Variants in ZNF530 observed in about 807,000 individuals in gnomAD.
ZNF530 encodes zinc finger protein 530.
ZNF530 carries 5 observed loss-of-function variants against 2.8 expected under a neutral mutation model. That is an observed-to-expected ratio of 1.80 (90% CI 0.94 to 3.78). The LOEUF is 3.78. ZNF530 is among the 30% of genes most tolerant of loss of function. ZNF530 has a pLI of 0.00. For missense variants in ZNF530, 619 were observed against 673.3 expected, an observed-to-expected ratio of 0.92 and a Z score of 0.89; for synonymous variants, 229 against 235.0, an observed-to-expected ratio of 0.97 and a Z score of 0.23.
At position 57,605,780 on chromosome 19, in the gene ZNF530, A is replaced by G. The variant is rs938603191; in HGVS notation, c.156A>G (p.Thr52=). 12 of 1,614,226 alleles carry G rather than the reference A, an allele frequency of 7.4e-6. No individual in the cohort carries two copies. Among genetic ancestry groups the G allele is most frequent in the African/African-American group, 1.3e-5 (1 of 75,058 alleles). The change falls in exon 4 of 4, where the codon ACA becomes ACG. Residue 52 remains threonine (T), a synonymous_variant. Transcript: ENST00000597700. ...LSQGRTPKAD[T]STDKSHPCEI... is the part of the protein sequence containing the mutation. ...AGGGCAGGACTCCAAAGGCAGATAC[A>G]TCCACTGATAAGAGTCACCCCTGTG...
chr19:57,611,592 C>T (rs1179637640), downstream of ZNF530, among the ~76,000 whole-genome samples: 1 of 152,140 alleles, frequency 6.6e-6, no homozygotes, highest in Non-Finnish European at 1.5e-5. Context: ...TGCCATCTTG[C>T]CCCATTTTGT....
At chr19:57,602,923 C>T (rs1189039226) in intron 2 of ZNF530, among the ~76,000 whole-genome samples, 7 of 152,158 alleles carry the variant, frequency 4.6e-5, no homozygotes, top group African/African-American at 1.7e-4. Context: ...TGGAGTCTTG[C>T]TCTGTTCCCC....
rs770573673 is a variant in ZNF530, at chr19:57,606,774, G to A, written c.1150G>A (p.Gly384Ser). ...YVCSECGKSF[G>S]QKSVLIQHQR... The stretch of plus-strand genomic sequence containing the variant: ...GTGCAGTGAATGTGGGAAATCATTT[G>A]GCCAGAAATCTGTCCTCATTCAACA... Residue 384 changes from glycine to serine, a missense_variant, in exon 4 of 4, where the codon GGC (glycine) becomes AGC (serine). Transcript: ENST00000597700. The A allele has an allele frequency of 1.9e-6, 3 of 1,604,368 alleles. No individual in the cohort carries two copies. Among genetic ancestry groups the A allele is most frequent in the Non-Finnish European group, 2.5e-6 (3 of 1,176,676 alleles).
In ZNF530 at chr19:57,607,117, G is replaced by C. The variant is rs1317556703; in HGVS notation, c.1493G>C (p.Ser498Thr). ...GAATGTGGGAAATCCTATAGCCAAAGCTCTGCCCTCCTTCAGCATAGGAGA... is the reference window on the plus strand; with the variant it reads ...GAATGTGGGAAATCCTATAGCCAAACCTCTGCCCTCCTTCAGCATAGGAGA... The part of the protein sequence containing the change: ...CDECGKSYSQ[S>T]SALLQHRRVH... The change falls in exon 4 of 4, where the codon AGC becomes ACC. Residue 498 changes from serine to threonine, a missense_variant. Transcript: ENST00000597700. The C allele has an allele frequency of 1.4e-5, 23 of 1,611,812 alleles. No individual in the cohort carries two copies. The Admixed American group carries it at 3.8e-4, about 27-fold the overall frequency.
At chr19:57,603,625 A>G (rs1268940395) in intron 2 of ZNF530, among the ~76,000 whole-genome samples, 2 of 152,206 alleles carry the variant, frequency 1.3e-5, no homozygotes, top group South Asian at 2.1e-4. Context: ...GTGCAGTACA[A>G]GTTGGAAAGG....
Position 57,609,841 on chromosome 19 carries a change from G to A in ZNF530, c.*2516G>A, listed in dbSNP as rs9676332. ...AAAAGGATGAAGTCAAGAGAGATTC[G>A]GTTGTCCTTGGTGCGGCTTTTGTGA... On this transcript the variant is annotated 3_prime_UTR_variant, in exon 4 of 4. Coordinates refer to ENST00000597700, the MANE Select transcript of ZNF530 (RefSeq NM_001321981.2). Among the ~76,000 whole-genome samples, 9,399 of 151,982 alleles carry A rather than the reference G, an allele frequency of 0.062. 943 individuals are homozygous for A. The highest frequency in any genetic ancestry group is 0.21 in the African/African-American group (8,814 of 41,434).
rs896302437 is a variant in ZNF530 at position 57,608,527 on chromosome 19, G to A, written c.*1202G>A. 2.6e-5 allele frequency: 4 copies of A among 152,130 alleles called. No individual in the cohort carries two copies. Among genetic ancestry groups the A allele is most frequent in the African/African-American group, 2.4e-5 (1 of 41,422 alleles). 9.4% of individuals were successfully genotyped at this position (152,130 alleles called of 1,614,324 possible). A position where few individuals can be genotyped will look rare whatever the true frequency, so the allele number is the denominator to read the frequency against. ...GCTCAGAGGTCATTCTGCAGAGGGG[G>A]CAGTTGTGGCAACTTCCATTGTTTC... is the stretch of plus-strand genomic sequence containing the variant. On this transcript the variant is annotated 3_prime_UTR_variant, in exon 4 of 4. Coordinates refer to ENST00000597700, the MANE Select transcript of ZNF530 (RefSeq NM_001321981.2).
chr19:57,606,611 T>C lies in ZNF530; in HGVS notation c.987T>C (p.His329=). The C allele has an allele frequency of 6.2e-7, 1 of 1,611,348 alleles. No homozygotes were observed. Among genetic ancestry groups the C allele is most frequent in the South Asian group, 1.1e-5 (1 of 90,934 alleles). ...ECSECGKSFS[H]STNLFRHWRV... is the part of the protein sequence containing the mutation. The stretch of plus-strand genomic sequence containing the variant: ...GTGAATGTGGAAAATCCTTTAGCCA[T>C]AGCACTAACCTCTTTCGACACTGGA... The change falls in exon 4 of 4, where the codon CAT becomes CAC. Residue 329 remains histidine, a synonymous_variant. Coordinates refer to ENST00000597700, the MANE Select transcript of ZNF530 (RefSeq NM_001321981.2).
chr19:57,611,244 G>GTT (rs374750986), downstream of ZNF530, among the ~76,000 whole-genome samples: 2 of 152,036 alleles, frequency 1.3e-5, no homozygotes, highest in African/African-American at 4.8e-5. Flanking sequence ...ACCAAGGCAA[G>GTT]TTTTTTTTAG....
intron 2 of ZNF530, 95 bp downstream of exon 2, chr19:57,600,874 C>G (rs966225269): frequency 3.9e-5 from 6 of 152,222 alleles, no homozygotes; most frequent in Non-Finnish European, 8.8e-5. Flanking sequence ...TACCGCTTTT[C>G]CAGGCCTTGA....
intron 2 of ZNF530, among the ~76,000 whole-genome samples, chr19:57,603,364 A>G (rs1427729744): frequency 1.3e-5 from 2 of 152,236 alleles, no homozygotes; most frequent in Non-Finnish European, 2.9e-5. Context: ...TATTAGAGAC[A>G]TAATGGGATT....
downstream of ZNF530, among the ~76,000 whole-genome samples, chr19:57,611,040 C>T (rs1385430310): frequency 6.6e-6 from 1 of 152,178 alleles, no homozygotes; most frequent in East Asian, 1.9e-4. Context: ...TAGTAAACAA[C>T]TACCTTGAGA....
At position 57,607,343 on chromosome 19, in the gene ZNF530, G is replaced by A. The variant is rs780046823; in HGVS notation, c.*18G>A. On this transcript the variant is annotated 3_prime_UTR_variant, in exon 4 of 4. Coordinates refer to ENST00000597700, the MANE Select transcript of ZNF530 (RefSeq NM_001321981.2). ...TGCAGTGAATGTGGGAAATTATTTT[G>A]TCACTTTTTTTTTTTTTTTTGAGAT... 1 of 1,485,718 alleles carries A rather than the reference G, an allele frequency of 6.7e-7. No individual in the cohort carries two copies. Among genetic ancestry groups the A allele is most frequent in the South Asian group, 1.3e-5 (1 of 76,300 alleles). The allele number at this position is 1,485,718 out of a possible 1,614,324, so 92.0% of individuals were successfully genotyped here. A position where few individuals can be genotyped will look rare whatever the true frequency, so the allele number is the denominator to read the frequency against.
Position 57,608,433 on chromosome 19 carries a change from C to T in ZNF530, c.*1108C>T, listed in dbSNP as rs74977972. 15 of 152,274 alleles carry T rather than the reference C, an allele frequency of 9.9e-5. No individual in the cohort carries two copies. The highest frequency in any genetic ancestry group is 3.9e-4 in the East Asian group (2 of 5,184). 9.4% of individuals were successfully genotyped at this position (152,274 alleles called of 1,614,324 possible). Reference sequence around the variant, plus strand: ...ATTTTGCTCCATTTTTGGCCTATTTCGCATTGTTTCCAAGGCCTTCTAGGA... The same window carrying T: ...ATTTTGCTCCATTTTTGGCCTATTTTGCATTGTTTCCAAGGCCTTCTAGGA... On this transcript the variant is annotated 3_prime_UTR_variant, in exon 4 of 4. Coordinates refer to ENST00000597700, the MANE Select transcript of ZNF530 (RefSeq NM_001321981.2).
At chr19:57,603,955 A>T (rs887362264) in intron 2 of ZNF530, among the ~76,000 whole-genome samples, 12 of 152,102 alleles carry the variant, frequency 7.9e-5, no homozygotes, top group African/African-American at 2.7e-4. Context: ...CTTTTGTTTC[A>T]TGAGTCTGGA....
In ZNF530 at chr19:57,607,315, A is replaced by T. The variant is rs140581719; in HGVS notation, c.1691A>T (p.His564Leu). The T allele has an allele frequency of 3.2e-6, 5 of 1,576,126 alleles. No individual in the cohort carries two copies. The African/African-American group carries it at 6.9e-5, about 22-fold the overall frequency. The change falls in exon 4 of 4, where the codon CAT becomes CTT. Residue 564 changes from histidine to leucine, a missense_variant. His to Leu is a moderately conservative substitution (Grantham distance 99, BLOSUM62 -3). Coordinates refer to ENST00000597700, the MANE Select transcript of ZNF530 (RefSeq NM_001321981.2). ...GGCCTCTTAAGACACAGAAGAGTTC[A>T]TGTGCAGTGAATGTGGGAAATTATT... The part of the protein sequence containing the change: ...SSGLLRHRRV[H>L]VQ
At position 57,607,351 on chromosome 19, in the gene ZNF530, T is replaced by A; in HGVS notation, c.*26T>A. The A allele has an allele frequency of 6.8e-7, 1 of 1,465,092 alleles. No individual in the cohort carries two copies. Among genetic ancestry groups the A allele is most frequent in the Non-Finnish European group, 9.2e-7 (1 of 1,092,562 alleles). The allele number at this position is 1,465,092 out of a possible 1,614,324, so 90.8% of individuals were successfully genotyped here. ...ATGTGGGAAATTATTTTGTCACTTT[T>A]TTTTTTTTTTTTGAGATGGAATTTT... On this transcript the variant is annotated 3_prime_UTR_variant, in exon 4 of 4. Transcript: ENST00000597700.
chr19:57,605,861 A>G lies in ZNF530; in HGVS notation c.237A>G (p.Ser79=). 1 of 1,614,192 alleles carries G rather than the reference A, an allele frequency of 6.2e-7. No homozygotes were observed. Among genetic ancestry groups the G allele is most frequent in the Non-Finnish European group, 8.5e-7 (1 of 1,180,014 alleles). ...DILQMIELHA[S]PCGQKLYLGG... ...TACAAATGATTGAGCTCCATGCCTC[A>G]CCCTGTGGACAGAAATTGTACTTGG... The change falls in exon 4 of 4, where the codon TCA becomes TCG. Residue 79 remains serine (S), a synonymous_variant. Coordinates refer to ENST00000597700, the MANE Select transcript of ZNF530 (RefSeq NM_001321981.2).
rs750047699 is a variant in ZNF530 at position 57,606,364 on chromosome 19, C to G, written c.740C>G (p.Thr247Ser). 4 of 1,614,200 alleles carry G rather than the reference C, an allele frequency of 2.5e-6. No homozygotes were observed. Among genetic ancestry groups the G allele is most frequent in the Non-Finnish European group, 3.4e-6 (4 of 1,180,038 alleles). Residue 247 changes from threonine to serine, a missense_variant, in exon 4 of 4, where the codon ACT (threonine) becomes AGT (serine). Coordinates refer to ENST00000597700, the MANE Select transcript of ZNF530 (RefSeq NM_001321981.2). ...TGTGGGAAATCATTTAGTCGCAAAA[C>G]TCACCTAACTCAACACCAAAGAGTT... ...SECGKSFSRK[T>S]HLTQHQRVHT...
Sources: gnomAD v4.1 joint callset for allele counts (sites outside exome capture counted in the v4.1 genomes callset) on GRCh38, gnomAD v4.1.1 for gene constraint, MANE v1.5 for transcripts, NCBI Gene and HGNC (gene_info 2026-07-23, HGNC 2026-07-21) for gene names.